The following SLCO4A1 variants were observed in gnomAD, a reference collection of about 807,000 sequenced individuals.
SLCO4A1 encodes the protein solute carrier organic anion transporter family member 4A1.
A neutral mutation model predicts 64.6 loss-of-function variants in SLCO4A1; 51 were observed. The ratio of observed to expected loss-of-function variants is 0.79; its 90% confidence interval spans 0.63 to 1.00. SLCO4A1 has a LOEUF of 1.00. SLCO4A1 is among the 50% of genes least tolerant of loss of function. The pLI is 0.00. For synonymous variants in SLCO4A1, 471 were observed against 444.9 expected (o/e 1.06, Z -0.74); for missense variants, 919 against 980.5 (o/e 0.94, Z 0.84).
At chr20:62,675,226 C>T (rs889727933), downstream of SLCO4A1, among the ~76,000 whole-genome samples, 2 of 152,192 alleles carry the variant, frequency 1.3e-5, no homozygotes, top group Non-Finnish European at 2.9e-5. Flanking sequence ...GTATGCTGGG[C>T]TGCTCATCGG....
At chr20:62,687,481 C>T (rs569664601), downstream of SLCO4A1, among the ~76,000 whole-genome samples, 1 of 152,380 alleles carries the variant, frequency 6.6e-6, no homozygotes, top group South Asian at 2.1e-4. Flanking sequence ...GATGCAGAGA[C>T]ACGTCCTTCC....
chr20:62,657,917 A>G (rs1053606107), intron 2 of SLCO4A1, among the ~76,000 whole-genome samples: 1 of 152,222 alleles, frequency 6.6e-6, no homozygotes, highest in African/African-American at 2.4e-5. Flanking sequence ...TTATAACTCT[A>G]TGCTAGGCAG....
chr20:62,644,048 G>A lies in SLCO4A1; in HGVS notation c.-97+1495G>A, dbSNP rs774167810. On this transcript the variant is annotated intron_variant, in intron 1 of 11. Coordinates refer to ENST00000217159, the MANE Select transcript of SLCO4A1 (RefSeq NM_016354.4). The surrounding 1 kb of genome is among the most constrained non-coding windows in gnomAD (Gnocchi z 5.4). ...CTCTGTTCTTAAAGAGGCAAAAGGC[G>A]ACTGCAGGGTCAGGCCGGAGACCCA... Among the ~76,000 whole-genome samples the A allele has an allele frequency of 1.3e-5, 2 of 152,232 alleles. No individual in the cohort carries two copies. The highest frequency in any genetic ancestry group is 2.1e-4 in the South Asian group (1 of 4,836).
At chr20:62,647,584 C>T (rs1981581682) in intron 1 of SLCO4A1, among the ~76,000 whole-genome samples, 1 of 152,256 alleles carries the variant, frequency 6.6e-6, no homozygotes, top group African/African-American at 2.4e-5. Flanking sequence ...GTCAGCCAGG[C>T]CAGGCCCAGG....
Position 62,668,978 on chromosome 20 carries a change from G to T in SLCO4A1, c.1925G>T (p.Cys642Phe). ...TTCGGCTGGGTGATCGACAAGGCCT[G>T]TCTGCTGTGGCAGGACCAGTGTGGC... ...IAFGWVIDKA[C>F]LLWQDQCGQQ... is the part of the protein sequence containing the mutation. Residue 642 changes from cysteine (C) to phenylalanine (F), a missense_variant, in exon 11 of 12, where the codon TGT becomes TTT. Coordinates refer to ENST00000217159, the MANE Select transcript of SLCO4A1 (RefSeq NM_016354.4). The T allele has an allele frequency of 6.2e-7, 1 of 1,610,212 alleles. No homozygotes were observed. Among genetic ancestry groups the T allele is most frequent in the Non-Finnish European group, 8.5e-7 (1 of 1,180,000 alleles).
intron 2 of SLCO4A1, among the ~76,000 whole-genome samples, chr20:62,682,283 CTG>C (rs1275826243): frequency 1.3e-5 from 2 of 152,228 alleles, no homozygotes; most frequent in Non-Finnish European, 2.9e-5. Flanking sequence ...GGACAAGACT[CTG>C]GGCTTGAGTC....
intron 2 of SLCO4A1, among the ~76,000 whole-genome samples, chr20:62,681,605 C>T (rs971853399): frequency 6.6e-6 from 1 of 152,180 alleles, no homozygotes; most frequent in Non-Finnish European, 1.5e-5. Flanking sequence ...GTTTTATCTT[C>T]TGTGCAGGTT....
intron 1 of SLCO4A1, among the ~76,000 whole-genome samples, chr20:62,655,280 C>T (rs1351901989): frequency 3.2e-3 from 406 of 125,940 alleles, no homozygotes; most frequent in African/African-American, 0.011. Context: ...TTCTGTATCA[C>T]AGCAGCCCCG....
In SLCO4A1 at chr20:62,656,628, C is replaced by A. The variant is rs1361828874; in HGVS notation, c.174C>A (p.Pro58=). The change falls in exon 2 of 12, where the codon CCC becomes CCA. Residue 58 remains proline, a synonymous_variant. Transcript: ENST00000217159. ...AHSPLDTSKQ[P]LCQLWAEKHG... is the part of the protein sequence containing the mutation. ...GCCCCCTGGACACCAGCAAGCAGCC[C>A]CTCTGCCAGCTCTGGGCCGAGAAGC... is the stretch of plus-strand genomic sequence containing the variant. 1.2e-6 allele frequency: 2 copies of A among 1,601,168 alleles called. No homozygotes were observed. The highest frequency in any genetic ancestry group is 1.7e-6 in the Non-Finnish European group (2 of 1,175,052).
At position 62,667,317 on chromosome 20, in the gene SLCO4A1, C is replaced by T. The variant is rs533142177; in HGVS notation, c.1473-428C>T. Among the ~76,000 whole-genome samples the T allele has an allele frequency of 7.2e-5, 11 of 152,364 alleles. No homozygotes were observed. In the South Asian group the frequency reaches 1.4e-3, roughly 20 times the overall value. On this transcript the variant is annotated intron_variant, in intron 7 of 11. Transcript: ENST00000217159. The stretch of plus-strand genomic sequence containing the variant: ...GTTTGTGACTGCCGAGGGGCGTGTA[C>T]GTGCAGACGACCCCTGCAAATGCAC...
At chr20:62,686,687 T>G (rs921635784), downstream of SLCO4A1, among the ~76,000 whole-genome samples, 1 of 152,236 alleles carries the variant, frequency 6.6e-6, no homozygotes, top group Non-Finnish European at 1.5e-5. Flanking sequence ...TTAGCCATGG[T>G]TGGCCCTTTA....
At chr20:62,681,485 T>C (rs936430268) in intron 2 of SLCO4A1, among the ~76,000 whole-genome samples, 1 of 146,252 alleles carries the variant, frequency 6.8e-6, no homozygotes, top group Non-Finnish European at 1.5e-5. Context: ...TGTGTTAAGC[T>C]GTGTGTACAC....
chr20:62,686,212 G>A (rs1360541723), downstream of SLCO4A1, among the ~76,000 whole-genome samples: 1 of 152,156 alleles, frequency 6.6e-6, no homozygotes, highest in African/African-American at 2.4e-5. Context: ...GGAGCTCCTG[G>A]TACAGGATGG....
rs574991273 is a variant in SLCO4A1, at chr20:62,661,295, G to A, written c.1121+120G>A. ...GGGGACGCAGCCCCTAACCTCTGTC[G>A]TGACCCTGGGCCAAGAGATTAAGGA... On this transcript the variant is annotated intron_variant, in intron 5 of 11. Coordinates refer to ENST00000217159, the MANE Select transcript of SLCO4A1 (RefSeq NM_016354.4). This position sits in a 1 kb window ranked among gnomAD's most constrained non-coding sequence, Gnocchi z 5.2. 30 of 708,080 alleles carry A rather than the reference G, an allele frequency of 4.2e-5. No individual in the cohort carries two copies. The highest frequency in any genetic ancestry group is 1.9e-4 in the South Asian group (12 of 62,336). The allele number at this position is 708,080 out of a possible 1,614,324, so 43.9% of individuals were successfully genotyped here.
At position 62,657,948 on chromosome 20, in the gene SLCO4A1, C is replaced by T. The variant is rs182126275; in HGVS notation, c.796+698C>T. On this transcript the variant is annotated intron_variant, in intron 2 of 11. Coordinates refer to ENST00000217159, the MANE Select transcript of SLCO4A1 (RefSeq NM_016354.4). ...GGCAGCTGAGCTCACTGCCCTGGGG[C>T]AGCCCTGGGCCCCTCACTGGCTTCC... Among the ~76,000 whole-genome samples, 1,364 of 152,382 alleles carry T rather than the reference C, an allele frequency of 9.0e-3. 38 individuals carry two copies. Among genetic ancestry groups the T allele is most frequent in the African/African-American group, 0.031 (1,280 of 41,598 alleles).
intron 2 of SLCO4A1, among the ~76,000 whole-genome samples, chr20:62,681,537 C>CAT (rs1555920601): frequency 6.8e-5 from 10 of 146,138 alleles, no homozygotes; most frequent in South Asian, 2.2e-4. Context: ...TGTACACACT[C>CAT]GTGTGTGTAT....
In SLCO4A1 at chr20:62,661,204, G is replaced by A. The variant is rs769084019; in HGVS notation, c.1121+29G>A. ...AGGACCGGAGTCGGGAGGGTTCCTA[G>A]TGTCCTCAGACCCTTTAATGGTCCC... On this transcript the variant is annotated intron_variant, in intron 5 of 11. Coordinates refer to ENST00000217159, the MANE Select transcript of SLCO4A1 (RefSeq NM_016354.4). The surrounding 1 kb of genome is among the most constrained non-coding windows in gnomAD (Gnocchi z 5.2). The A allele has an allele frequency of 4.7e-6, 7 of 1,501,546 alleles. No individual in the cohort carries two copies. The highest frequency in any genetic ancestry group is 6.5e-6 in the Non-Finnish European group (7 of 1,078,346). The allele number at this position is 1,501,546 out of a possible 1,614,324, so 93.0% of individuals were successfully genotyped here. A position where few individuals can be genotyped will look rare whatever the true frequency, so the allele number is the denominator to read the frequency against.
At chr20:62,675,581 C>A (rs1354399322), downstream of SLCO4A1, among the ~76,000 whole-genome samples, 7 of 152,220 alleles carry the variant, frequency 4.6e-5, no homozygotes, top group Non-Finnish European at 4.4e-5. Context: ...CTGGTTGCAG[C>A]CTGGTCCCGG....
chr20:62,688,531 A>T (rs963950680), downstream of SLCO4A1, among the ~76,000 whole-genome samples: 1 of 152,196 alleles, frequency 6.6e-6, no homozygotes, highest in Non-Finnish European at 1.5e-5. Flanking sequence ...TGGGGCTCAC[A>T]TTGGACACTG....
Sources: gnomAD v4.1 joint callset for allele counts (sites outside exome capture counted in the v4.1 genomes callset) on GRCh38, gnomAD v4.1.1 for gene constraint, Gnocchi (gnomAD v3.1) non-coding constraint, MANE v1.5 for transcripts, NCBI Gene and HGNC (gene_info 2026-07-23, HGNC 2026-07-21) for gene names.